Variants in PDE4D observed in about 807,000 individuals in gnomAD.
PDE4D encodes 3',5'-cyclic-AMP phosphodiesterase 4D.
PDE4D carries 24 observed loss-of-function variants against 87.4 expected under a neutral mutation model. The observed-to-expected ratio is 0.27, with a 90% CI of 0.20 to 0.39. The LOEUF (loss-of-function observed/expected upper bound fraction) is 0.39, where lower values mean the gene tolerates loss of function less well. Among genes scored for constraint, PDE4D ranks in the 10% least tolerant of loss-of-function variants. The probability of loss-of-function intolerance (pLI) is 1.00; values close to 1 mark genes in which losing one functional copy is unlikely to be tolerated. For missense variants in PDE4D, 714 were observed against 1,041.0 expected, an observed-to-expected ratio of 0.69 and a Z score of 4.32; for synonymous variants, 384 against 383.2, an observed-to-expected ratio of 1.00 and a Z score of -0.02.
chr5:59,989,096 A>ATATATG (rs1762743267), intron 2 of PDE4D, among the ~76,000 whole-genome samples: 2 of 93,152 alleles, frequency 2.1e-5, no homozygotes, highest in East Asian at 1.1e-3. Flanking sequence ...TCATATATAT[A>ATATATG]TATATATATA....
chr5:59,864,378 A>G (rs1426635256), intron 1 of PDE4D, among the ~76,000 whole-genome samples: 1 of 152,230 alleles, frequency 6.6e-6, no homozygotes, highest in Non-Finnish European at 1.5e-5. Context: ...TGTAACCTGC[A>G]TGTAAAAGAG....
intron 1 of PDE4D, among the ~76,000 whole-genome samples, chr5:60,418,552 A>G (rs1039635413): frequency 2.7e-5 from 4 of 148,328 alleles, no homozygotes; most frequent in Non-Finnish European, 6.0e-5. Flanking sequence ...TTTCTGTGTG[A>G]CTCTTTTTGT....
At chr5:60,175,056 A>G (rs1430740972) in intron 2 of PDE4D, among the ~76,000 whole-genome samples, 1 of 151,678 alleles carries the variant, frequency 6.6e-6, no homozygotes, top group Admixed American at 6.6e-5. Context: ...TCAATTATGG[A>G]TATGTCATGC....
At chr5:59,433,764 A>G (rs1041469695) in intron 1 of PDE4D, among the ~76,000 whole-genome samples, 12 of 152,064 alleles carry the variant, frequency 7.9e-5, no homozygotes, top group African/African-American at 2.9e-4. Flanking sequence ...TATGCTCTTG[A>G]GAACATTAAA....
At chr5:59,488,254 A>G (rs1478946342) in intron 1 of PDE4D, among the ~76,000 whole-genome samples, 1 of 151,754 alleles carries the variant, frequency 6.6e-6, no homozygotes. Context: ...TAAGGCCTGT[A>G]GGCCACTCAG....
Position 60,188,584 on chromosome 5 carries a change from G to A in PDE4D, c.-89-2897C>T, listed in dbSNP as rs139765149. ...AGGGTTCAAAGCCCCCCAAGGTAGG[G>A]CAGGGAGGAGAGTGGAGATGGAGGG... On this transcript the variant is annotated intron_variant, in intron 1 of 16. Coordinates refer to the PDE4D transcript ENST00000502484. Among the ~76,000 whole-genome samples, 94 of 152,232 alleles carry A rather than the reference G, an allele frequency of 6.2e-4. 1 individual carries two copies. The highest frequency in any genetic ancestry group is 2.2e-3 in the African/African-American group (93 of 41,554).
chr5:60,451,411 G>A (rs888849891), intron 1 of PDE4D, among the ~76,000 whole-genome samples: 2 of 151,538 alleles, frequency 1.3e-5, no homozygotes, highest in African/African-American at 4.9e-5. Context: ...CTCTTTTTTG[G>A]CCTCTTTGCT....
At chr5:60,212,366 T>G (rs576499702) in intron 1 of PDE4D, among the ~76,000 whole-genome samples, 47 of 152,260 alleles carry the variant, frequency 3.1e-4, no homozygotes, top group Non-Finnish European at 5.9e-4. Flanking sequence ...ACCAGCAGGA[T>G]GGGCATGTAA....
intron 1 of PDE4D, among the ~76,000 whole-genome samples, chr5:59,740,452 CA>C (rs1249037336): frequency 1.3e-5 from 2 of 152,104 alleles, no homozygotes; most frequent in African/African-American, 4.8e-5. Flanking sequence ...AATCAATACT[CA>C]AAAACTTTTA....
At chr5:60,187,975 C>T (rs1784916472) in intron 1 of PDE4D, among the ~76,000 whole-genome samples, 1 of 152,090 alleles carries the variant, frequency 6.6e-6, no homozygotes, top group Non-Finnish European at 1.5e-5. Flanking sequence ...GAATGTTTGG[C>T]TCATAGGAGG....
chr5:59,480,563 T>A (rs1029167358), intron 1 of PDE4D, among the ~76,000 whole-genome samples: 1 of 152,132 alleles, frequency 6.6e-6, no homozygotes, highest in African/African-American at 2.4e-5. Context: ...TGTAGTCACA[T>A]CATCATGGCA....
chr5:60,459,683 A>G (rs1254276767), intron 1 of PDE4D, among the ~76,000 whole-genome samples: 3 of 152,294 alleles, frequency 2.0e-5, no homozygotes, highest in African/African-American at 4.8e-5. Context: ...GCGTAGAGAC[A>G]CTTTTCCCAT....
At chr5:59,726,204 T>C (rs1357669338) in intron 1 of PDE4D, among the ~76,000 whole-genome samples, 1 of 152,120 alleles carries the variant, frequency 6.6e-6, no homozygotes, top group Non-Finnish European at 1.5e-5. Flanking sequence ...TATTTAAAAA[T>C]GAGTTTCAGG....
intron 1 of PDE4D, among the ~76,000 whole-genome samples, chr5:59,525,929 G>A (rs1354625166): frequency 6.6e-6 from 1 of 152,150 alleles, no homozygotes; most frequent in African/African-American, 2.4e-5. Context: ...GCAGAACTGT[G>A]AGTCAATGAA....
At position 59,056,094 on chromosome 5, in the gene PDE4D, G is replaced by A. The variant is rs2936203; in HGVS notation, c.809-17123C>T. Among the ~76,000 whole-genome samples the A allele has an allele frequency of 3.0e-4, 46 of 152,126 alleles. No individual in the cohort carries two copies. The East Asian group carries it at 5.4e-3, about 18-fold the overall frequency. ...TTCCTGGGGAGGATATCCATGCCCC[G>A]CCTCCACCTGGTAGTTCATGATCAG... On this transcript the variant is annotated intron_variant, in intron 5 of 14. Transcript: ENST00000340635.
chr5:60,310,800 CT>C (rs1754958619), intron 1 of PDE4D, among the ~76,000 whole-genome samples: 1 of 152,182 alleles, frequency 6.6e-6, no homozygotes, highest in African/African-American at 2.4e-5. Flanking sequence ...CTCTCTGAGC[CT>C]TTGCTCACCT....
chr5:59,817,816 G>A (rs970366886), intron 1 of PDE4D, among the ~76,000 whole-genome samples: 4 of 150,278 alleles, frequency 2.7e-5, no homozygotes, highest in Non-Finnish European at 4.4e-5. Flanking sequence ...AGGCCAAGAA[G>A]AGACCCATAA....
chr5:59,689,664 A>G (rs1750561912), intron 1 of PDE4D, among the ~76,000 whole-genome samples: 1 of 152,314 alleles, frequency 6.6e-6, no homozygotes, highest in African/African-American at 2.4e-5. Flanking sequence ...CTGGCACAAG[A>G]CAGGGATGCC....
chr5:59,992,486 T>A (rs965035733), intron 2 of PDE4D, among the ~76,000 whole-genome samples: 2 of 152,200 alleles, frequency 1.3e-5, no homozygotes, highest in African/African-American at 4.8e-5. Context: ...CATGTGTAAA[T>A]ACTCTTCTTC....
Sources: allele counts gnomAD v4.1 joint callset (sites outside exome capture counted in the v4.1 genomes callset), GRCh38; gene constraint gnomAD v4.1.1; transcripts MANE v1.5; gene names NCBI Gene and HGNC (gene_info 2026-07-23, HGNC 2026-07-21).